The following SPATA6L variants were observed in gnomAD, a reference collection of about 807,000 sequenced individuals.
SPATA6L encodes the protein spermatogenesis associated 6 like.
A neutral mutation model predicts 49.2 loss-of-function variants in SPATA6L; 68 were observed. That is an observed-to-expected ratio of 1.38 (90% confidence interval 1.14 to 1.69). The LOEUF is 1.69. Among genes scored for constraint, SPATA6L ranks in the 40% most tolerant of loss-of-function variants. SPATA6L has a pLI of 0.00. For missense variants in SPATA6L, 668 were observed against 464.3 expected, an observed-to-expected ratio of 1.44 and a Z score of -4.03; for synonymous variants, 198 against 165.7, an observed-to-expected ratio of 1.19 and a Z score of -1.50.
intron 2 of SPATA6L, among the ~76,000 whole-genome samples, chr9:4,660,029 T>A (rs1839238301): frequency 6.6e-6 from 1 of 152,160 alleles, no homozygotes; most frequent in African/African-American, 2.4e-5. Context: ...AAAAATTAAT[T>A]CAAGATGGAT....
intron 6 of SPATA6L, among the ~76,000 whole-genome samples, chr9:4,624,452 G>C (rs576571215): frequency 1.9e-4 from 29 of 152,250 alleles, no homozygotes; most frequent in Non-Finnish European, 3.5e-4. Flanking sequence ...TTGTAGGCTG[G>C]TGCAGTGGCT....
At chr9:4,646,730 T>TA (rs1236513496) in intron 3 of SPATA6L, among the ~76,000 whole-genome samples, 1 of 152,108 alleles carries the variant, frequency 6.6e-6, no homozygotes, top group Non-Finnish European at 1.5e-5. Context: ...AACAGAATTA[T>TA]AAAAAATAGC....
chr9:4,593,202 G>A (rs1822016966), intron 13 of SPATA6L, among the ~76,000 whole-genome samples: 1 of 152,170 alleles, frequency 6.6e-6, no homozygotes, highest in African/African-American at 2.4e-5. Flanking sequence ...AAGAGGAAAT[G>A]CATGACAGTA....
intron 13 of SPATA6L, among the ~76,000 whole-genome samples, chr9:4,589,585 A>C (rs1010987471): frequency 2.6e-5 from 4 of 152,250 alleles, no homozygotes; most frequent in Non-Finnish European, 5.9e-5. Context: ...GGAGGTAAAC[A>C]AAAAATAAGT....
At chr9:4,597,092 G>A (rs1197449988), downstream of SPATA6L, among the ~76,000 whole-genome samples, 1 of 152,074 alleles carries the variant, frequency 6.6e-6, no homozygotes, top group Non-Finnish European at 1.5e-5. Flanking sequence ...TAAGGACATT[G>A]AGACACAAAG....
chr9:4,656,197 G>C (rs189192718), intron 2 of SPATA6L, 108 bp from the exon 3 acceptor site: 111 of 851,916 alleles, frequency 1.3e-4, no homozygotes, highest in Middle Eastern at 3.1e-4. Context: ...CTAGCACTTT[G>C]GGAGGCCGAG....
intron 9 of SPATA6L, among the ~76,000 whole-genome samples, chr9:4,611,025 C>T (rs2130248288): frequency 6.7e-6 from 1 of 149,188 alleles, no homozygotes; most frequent in East Asian, 1.9e-4. Flanking sequence ...GACATTTATG[C>T]AGCCAAAAAA....
At chr9:4,604,480 T>G (rs1239516560) in intron 10 of SPATA6L, among the ~76,000 whole-genome samples, 1 of 152,136 alleles carries the variant, frequency 6.6e-6, no homozygotes, top group African/African-American at 2.4e-5. Flanking sequence ...CCTCCTGGCC[T>G]CAAGGGATTC....
chr9:4,632,280 C>T (rs573265146), intron 4 of SPATA6L, among the ~76,000 whole-genome samples: 8 of 151,690 alleles, frequency 5.3e-5, no homozygotes, highest in East Asian at 3.9e-4. Context: ...TGTGGTATCT[C>T]GGAGGCAATC....
chr9:4,610,165 G>A (rs1223312167), intron 9 of SPATA6L, among the ~76,000 whole-genome samples: 2 of 151,930 alleles, frequency 1.3e-5, no homozygotes, highest in Admixed American at 1.3e-4. Context: ...ACAAATGGAA[G>A]AACATTCCAT....
At chr9:4,604,293 A>C in intron 10 of SPATA6L, 24 bp from the exon 11 acceptor site, 1 of 1,484,582 alleles carries the variant, frequency 6.7e-7, no homozygotes, top group Non-Finnish European at 9.4e-7. Flanking sequence ...AAATCCAGCA[A>C]TTATGTTACC....
chr9:4,590,159 G>T (rs967948450), intron 13 of SPATA6L, among the ~76,000 whole-genome samples: 6 of 152,166 alleles, frequency 3.9e-5, no homozygotes, highest in Non-Finnish European at 7.4e-5. Context: ...CCTGACCTCA[G>T]GTGATCTGCC....
At chr9:4,614,739 T>C (rs1827565034) in intron 9 of SPATA6L, among the ~76,000 whole-genome samples, 1 of 152,198 alleles carries the variant, frequency 6.6e-6, no homozygotes, top group African/African-American at 2.4e-5. Context: ...ATGGCCTTTC[T>C]GTGGCTGTGT....
At chr9:4,601,342 T>A (rs534025700) in intron 11 of SPATA6L, among the ~76,000 whole-genome samples, 1 of 149,842 alleles carries the variant, frequency 6.7e-6, no homozygotes, top group Non-Finnish European at 1.5e-5. Flanking sequence ...GAACTAGGGA[T>A]AATCTGAGGG....
intron 3 of SPATA6L, among the ~76,000 whole-genome samples, chr9:4,645,329 G>C (rs1835128159): frequency 6.6e-6 from 1 of 152,066 alleles, no homozygotes; most frequent in African/African-American, 2.4e-5. Flanking sequence ...ATTTTCTGTT[G>C]CTTATAACAG....
intron 3 of SPATA6L, among the ~76,000 whole-genome samples, chr9:4,644,013 A>G (rs1036374972): frequency 6.6e-6 from 1 of 151,754 alleles, no homozygotes; most frequent in African/African-American, 2.4e-5. Flanking sequence ...TCTCAAAAAA[A>G]TCAATTTGAA....
chr9:4,649,907 G>T (rs1170840260), intron 3 of SPATA6L, among the ~76,000 whole-genome samples: 3 of 152,256 alleles, frequency 2.0e-5, no homozygotes, highest in Non-Finnish European at 4.4e-5. Context: ...ATTTAAAGAG[G>T]CTTGAGAGAA....
chr9:4,652,228 C>G (rs980862008), intron 3 of SPATA6L, among the ~76,000 whole-genome samples: 4 of 152,054 alleles, frequency 2.6e-5, no homozygotes, highest in African/African-American at 9.7e-5. Context: ...CAAGATCAGC[C>G]TGACAAACAT....
chr9:4,626,462 C>G, intron 5 of SPATA6L: 2 of 1,304,448 alleles, frequency 1.5e-6, no homozygotes, highest in Non-Finnish European at 2.0e-6. Flanking sequence ...GAAAGCAGCC[C>G]TTCTCCAGAG....
Sources: gnomAD v4.1 joint callset for allele counts (sites outside exome capture counted in the v4.1 genomes callset) on GRCh38, gnomAD v4.1.1 for gene constraint, MANE v1.5 for transcripts, NCBI Gene and HGNC (gene_info 2026-07-23, HGNC 2026-07-21) for gene names.